CREB5: variants seen among roughly 807,000 people sequenced by gnomAD.
CREB5 encodes the protein cyclic AMP-responsive element-binding protein 5.
Under a neutral mutation model 57.1 loss-of-function variants are expected in CREB5, and 19 were observed. The observed-to-expected ratio is 0.33, with a 90% confidence interval of 0.23 to 0.49. The LOEUF (loss-of-function observed/expected upper bound fraction) is 0.49, where lower values mean the gene tolerates loss of function less well. Ranked by LOEUF, CREB5 falls within the 20% of genes least tolerant of loss-of-function variation. CREB5 has a pLI of 0.99. For missense variants in CREB5, 579 were observed against 671.6 expected (o/e 0.86, Z 1.52); for synonymous variants, 238 against 238.3 (o/e 1.00, Z 0.01).
intron 1 of CREB5, among the ~76,000 whole-genome samples, chr7:28,403,069 G>C (rs1029310963): frequency 1.3e-4 from 20 of 152,178 alleles, no homozygotes; most frequent in African/African-American, 4.8e-4. Flanking sequence ...TACAACCACT[G>C]GTGTAAAAAT....
intron 5 of CREB5, among the ~76,000 whole-genome samples, chr7:28,622,740 G>C (rs1797852334): frequency 6.6e-6 from 1 of 152,130 alleles, no homozygotes; most frequent in Admixed American, 6.5e-5. Context: ...ATTCCCACCA[G>C]CTGGGTGTGG....
intron 9 of CREB5, among the ~76,000 whole-genome samples, chr7:28,813,592 G>A (rs1366066392): frequency 6.6e-6 from 1 of 152,160 alleles, no homozygotes; most frequent in Non-Finnish European, 1.5e-5. Context: ...ATATTGTAGA[G>A]CCCATTTTGA....
intron 1 of CREB5, among the ~76,000 whole-genome samples, chr7:28,350,493 A>G (rs890456254): frequency 1.3e-5 from 2 of 151,666 alleles, no homozygotes; most frequent in Admixed American, 6.6e-5. Flanking sequence ...GCCAATTACT[A>G]TACCTGTTTC....
intron 1 of CREB5, among the ~76,000 whole-genome samples, chr7:28,443,904 G>A (rs1303127426): frequency 6.6e-6 from 1 of 152,176 alleles, no homozygotes; most frequent in Non-Finnish European, 1.5e-5. Flanking sequence ...CCTGAGATGT[G>A]GAAGCGGTAT....
At chr7:28,633,151 G>A (rs957465426) in intron 5 of CREB5, among the ~76,000 whole-genome samples, 1 of 152,154 alleles carries the variant, frequency 6.6e-6, no homozygotes, top group African/African-American at 2.4e-5. Context: ...AAGGCACAGA[G>A]AAGCAAAACA....
intron 2 of CREB5, among the ~76,000 whole-genome samples, chr7:28,490,493 G>T (rs1791749494): frequency 6.6e-6 from 1 of 152,192 alleles, no homozygotes; most frequent in African/African-American, 2.4e-5. Flanking sequence ...TCAAGGAAGG[G>T]GCTGTAAGCC....
intron 1 of CREB5, among the ~76,000 whole-genome samples, chr7:28,362,500 T>G (rs1388828624): frequency 6.6e-6 from 1 of 152,166 alleles, no homozygotes. Context: ...TATATACCTG[T>G]GAAACTCAAG....
intron 5 of CREB5, among the ~76,000 whole-genome samples, chr7:28,633,385 G>T (rs1798280382): frequency 6.6e-6 from 1 of 152,104 alleles, no homozygotes; most frequent in African/African-American, 2.4e-5. Context: ...GTGTGTGTGT[G>T]TGTGTGTCTG....
At chr7:28,694,945 G>A (rs1041028301) in intron 5 of CREB5, among the ~76,000 whole-genome samples, 8 of 152,168 alleles carry the variant, frequency 5.3e-5, no homozygotes, top group Admixed American at 2.0e-4. Flanking sequence ...CAAAGGCCAG[G>A]CACAATGGCT....
chr7:28,630,220 T>A (rs1484080310), intron 5 of CREB5, among the ~76,000 whole-genome samples: 2 of 152,206 alleles, frequency 1.3e-5, no homozygotes, highest in African/African-American at 2.4e-5. Flanking sequence ...CAATCTCTTC[T>A]CCCAAATGAT....
chr7:28,668,970 G>A (rs754022188), intron 5 of CREB5, among the ~76,000 whole-genome samples: 3 of 152,110 alleles, frequency 2.0e-5, no homozygotes, highest in Non-Finnish European at 4.4e-5. Context: ...CCGTGTAGTG[G>A]TATCCTTCCC....
At chr7:28,696,702 T>C (rs534217030) in intron 5 of CREB5, among the ~76,000 whole-genome samples, 2 of 152,228 alleles carry the variant, frequency 1.3e-5, no homozygotes, top group African/African-American at 4.8e-5. Context: ...TACACATATA[T>C]ATACACCTAC....
chr7:28,440,044 G>T (rs942793381), intron 1 of CREB5, among the ~76,000 whole-genome samples: 2 of 152,174 alleles, frequency 1.3e-5, no homozygotes, highest in South Asian at 2.1e-4. Context: ...TGGGATATCA[G>T]TTGAAAAACA....
chr7:28,743,838 CTTTTT>C (rs58302393), intron 7 of CREB5, among the ~76,000 whole-genome samples: 7 of 76,018 alleles, frequency 9.2e-5, no homozygotes, highest in African/African-American at 2.2e-4. Flanking sequence ...ATCTCCTTTT[CTTTTT>C]TTTTTTTTTT....
intron 1 of CREB5, among the ~76,000 whole-genome samples, chr7:28,380,183 G>T (rs1325647693): frequency 6.6e-6 from 1 of 152,200 alleles, no homozygotes; most frequent in Admixed American, 6.5e-5. Flanking sequence ...AGGACGTCTG[G>T]TCTGAGGCCA....
chr7:28,621,773 A>T (rs1035978552), intron 5 of CREB5, among the ~76,000 whole-genome samples: 1 of 152,208 alleles, frequency 6.6e-6, no homozygotes, highest in Non-Finnish European at 1.5e-5. Context: ...GAAAGACAGG[A>T]TGATGTCGTC....
intron 1 of CREB5, among the ~76,000 whole-genome samples, chr7:28,460,217 G>T (rs1230806518): frequency 1.3e-5 from 2 of 151,972 alleles, no homozygotes; most frequent in African/African-American, 4.8e-5. Flanking sequence ...GTTTATAAAA[G>T]GAAATAAAAG....
chr7:28,525,483 G>T (rs1171811083), intron 4 of CREB5, among the ~76,000 whole-genome samples: 1 of 151,912 alleles, frequency 6.6e-6, no homozygotes, highest in East Asian at 1.9e-4. Context: ...ATCCTCACCA[G>T]CATTTATTAT....
At chr7:28,311,513 C>T (rs1785276721) in intron 1 of CREB5, among the ~76,000 whole-genome samples, 1 of 152,230 alleles carries the variant, frequency 6.6e-6, no homozygotes, top group African/African-American at 2.4e-5. Context: ...CCTCCTTTTA[C>T]ACATTTAAAA....
Sources: gnomAD v4.1 joint callset for allele counts (sites outside exome capture counted in the v4.1 genomes callset) on GRCh38, gnomAD v4.1.1 for gene constraint, MANE v1.5 for transcripts, NCBI Gene and HGNC (gene_info 2026-07-23, HGNC 2026-07-21) for gene names.